The following CCDC80 variants were observed in gnomAD, a reference collection of about 807,000 sequenced individuals.
CCDC80 encodes coiled-coil domain-containing protein 80.
A neutral mutation model predicts 78.7 loss-of-function variants in CCDC80; 49 were observed. That is an observed-to-expected ratio of 0.62 (90% CI 0.50 to 0.79). The LOEUF (loss-of-function observed/expected upper bound fraction) is 0.79. CCDC80 is among the 30% of genes least tolerant of loss of function. CCDC80 has a pLI of 0.00. For missense variants in CCDC80, 1,205 were observed against 1,198.6 expected (o/e 1.01, Z -0.08); for synonymous variants, 488 against 447.0 (o/e 1.09, Z -1.16).
intron 3 of CCDC80, among the ~76,000 whole-genome samples, chr3:112,620,053 T>C (rs1030385917): frequency 1.3e-5 from 2 of 152,214 alleles, no homozygotes; most frequent in African/African-American, 4.8e-5. Context: ...AGCCTATCAC[T>C]TATTACCAAC....
intron 3 of CCDC80, among the ~76,000 whole-genome samples, chr3:112,622,201 A>G (rs1935881755): frequency 1.3e-5 from 2 of 152,248 alleles, no homozygotes; most frequent in Admixed American, 1.3e-4. Context: ...TTACTAGTAT[A>G]TGGCAAGAAA....
At chr3:112,608,824 A>G (rs1297009957) in intron 6 of CCDC80, among the ~76,000 whole-genome samples, 1 of 152,194 alleles carries the variant, frequency 6.6e-6, no homozygotes, top group Non-Finnish European at 1.5e-5. Flanking sequence ...TCTTACTATT[A>G]TGAGTTTGGT....
rs767753684 is a variant in CCDC80 at position 112,639,166 on chromosome 3, C to T, written c.740G>A (p.Arg247His). The change falls in exon 2 of 8, where the codon CGC (arginine) becomes CAC (histidine). Residue 247 changes from arginine (R) to histidine (H), a missense_variant. Transcript: ENST00000206423. ...LLKKTLQVEE[R>H]YPYPVRLEAM... is the part of the protein sequence containing the mutation. ...TTCCAGCCTAACGGGATATGGATAG[C>T]GCTCCTCCACCTGCAGCGTCTTCTT... 6.2e-7 allele frequency: 1 copy of T among 1,614,132 alleles called. No individual in the cohort carries two copies. The highest frequency in any genetic ancestry group is 1.3e-5 in the African/African-American group (1 of 75,020).
chr3:112,616,442 AAG>A lies in CCDC80; in HGVS notation c.2321+266_2321+267del, dbSNP rs1491015536. On this transcript the variant is annotated intron_variant, in intron 5 of 7. Coordinates refer to ENST00000206423, the MANE Select transcript of CCDC80 (RefSeq NM_199511.3). The stretch of plus-strand genomic sequence containing the variant: ...TCTGTACCAAAGAAAGAGAAAAAAA[AAG>A]AAAAGAAAAAAAAAAAAACAGAGAA... Among the ~76,000 whole-genome samples, 17 of 90,596 alleles carry A rather than the reference AAG, an allele frequency of 1.9e-4. No individual in the cohort carries two copies. The East Asian group carries it at 2.0e-3, about 11-fold the overall frequency. The allele number at this position is 90,596 out of a possible 152,430, so 59.4% of individuals were successfully genotyped here.
chr3:112,620,877 A>G (rs1362244254), intron 3 of CCDC80, among the ~76,000 whole-genome samples: 1 of 152,192 alleles, frequency 6.6e-6, no homozygotes, highest in Admixed American at 6.5e-5. Context: ...TGTTCATTCA[A>G]CGAAATATTT....
In CCDC80 at chr3:112,639,043, C is replaced by T; in HGVS notation, c.863G>A (p.Gly288Asp). 6.2e-7 allele frequency: 1 copy of T among 1,608,158 alleles called. No individual in the cohort carries two copies. The highest frequency in any genetic ancestry group is 8.5e-7 in the Non-Finnish European group (1 of 1,178,494). The change falls in exon 2 of 8, where the codon GGC (glycine) becomes GAC (aspartate). Residue 288 changes from glycine (G) to aspartate (D), a missense_variant. Coordinates refer to ENST00000206423, the MANE Select transcript of CCDC80 (RefSeq NM_199511.3). ...GTCATTCCCCTCCGCCACCACCTGG[C>T]CCTCTACACCAGAGGCCTTACATTT... is the stretch of plus-strand genomic sequence containing the variant. ...VQKCKASGVE[G>D]QVVAEGNDGG...
intron 5 of CCDC80, among the ~76,000 whole-genome samples, chr3:112,612,388 G>A (rs567772632): frequency 2.1e-4 from 32 of 152,254 alleles, no homozygotes; most frequent in African/African-American, 7.5e-4. Flanking sequence ...ATGCAGTCCT[G>A]ATTGGAGAGG....
At chr3:112,625,405 T>C (rs940632110) in intron 3 of CCDC80, among the ~76,000 whole-genome samples, 1 of 152,238 alleles carries the variant, frequency 6.6e-6, no homozygotes, top group African/African-American at 2.4e-5. Flanking sequence ...TCTTAGACTG[T>C]ATTGGAAAGA....
chr3:112,604,320 C>T lies in CCDC80; in HGVS notation c.*1097G>A, dbSNP rs1412510095. 2 of 152,168 alleles carry T rather than the reference C, an allele frequency of 1.3e-5. No individual in the cohort carries two copies. Among genetic ancestry groups the T allele is most frequent in the Non-Finnish European group, 2.9e-5 (2 of 68,034 alleles). 9.4% of individuals were successfully genotyped at this position (152,168 alleles called of 1,614,324 possible). A position where few individuals can be genotyped will look rare whatever the true frequency, so the allele number is the denominator to read the frequency against. On this transcript the variant is annotated 3_prime_UTR_variant, in exon 8 of 8. Coordinates refer to ENST00000206423, the MANE Select transcript of CCDC80 (RefSeq NM_199511.3). ...AGAAAAAGTCAATCGAAGTGGCAAA[C>T]TTCATTGCTGTCTTATTTTAAGAAA...
intron 5 of CCDC80, among the ~76,000 whole-genome samples, chr3:112,613,174 C>A (rs925198952): frequency 2.6e-5 from 4 of 152,144 alleles, no homozygotes; most frequent in African/African-American, 9.7e-5. Context: ...GGTCACACAG[C>A]TAGTAAATAG....
chr3:112,619,676 G>C (rs72942092), intron 3 of CCDC80, among the ~76,000 whole-genome samples: 3,608 of 152,278 alleles, frequency 0.024, 61 homozygotes, highest in South Asian at 0.055. Flanking sequence ...AATTTTGTAA[G>C]TGAACACAGT....
At position 112,604,285 on chromosome 3, in the gene CCDC80, T is replaced by A. The variant is rs1043208650; in HGVS notation, c.*1132A>T. 2 of 152,154 alleles carry A rather than the reference T, an allele frequency of 1.3e-5. No homozygotes were observed. The highest frequency in any genetic ancestry group is 2.4e-5 in the African/African-American group (1 of 41,444). The allele number at this position is 152,154 out of a possible 1,614,324, so 9.4% of individuals were successfully genotyped here. A position where few individuals can be genotyped will look rare whatever the true frequency, so the allele number is the denominator to read the frequency against. On this transcript the variant is annotated 3_prime_UTR_variant, in exon 8 of 8. Coordinates refer to ENST00000206423, the MANE Select transcript of CCDC80 (RefSeq NM_199511.3). Reference sequence around the variant, plus strand: ...TACAGCATCACATGCTGCAGAGAAATCTTTCATGAAGAAAAAGTCAATCGA... The same window carrying A: ...TACAGCATCACATGCTGCAGAGAAAACTTTCATGAAGAAAAAGTCAATCGA...
intron 6 of CCDC80, among the ~76,000 whole-genome samples, chr3:112,608,487 C>T (rs76567478): frequency 0.011 from 1,611 of 152,134 alleles, 29 homozygotes; most frequent in African/African-American, 0.037. Flanking sequence ...ATGACTTGTT[C>T]GCATTTTGGG....
intron 5 of CCDC80, chr3:112,610,386 G>A (rs1395318915): frequency 5.1e-6 from 2 of 393,374 alleles, no homozygotes; most frequent in Admixed American, 7.5e-5. Flanking sequence ...ATGCAATGAA[G>A]ACAGGCCAAA....
Position 112,597,574 on chromosome 3 carries a change from C to G in CCDC80, c.*7843G>C, listed in dbSNP as rs918185620. On this transcript the variant is annotated 3_prime_UTR_variant, in exon 8 of 8. Transcript: ENST00000206423. ...TTTAATGAATTAATACAAGTGTCAG[C>G]ATCTTTCATGGACATCCAGACAATT... 1 of 152,022 alleles carries G rather than the reference C, an allele frequency of 6.6e-6. No homozygotes were observed. Among genetic ancestry groups the G allele is most frequent in the African/African-American group, 2.4e-5 (1 of 41,378 alleles). The allele number at this position is 152,022 out of a possible 1,614,324, so 9.4% of individuals were successfully genotyped here.
chr3:112,623,842 A>G (rs959664422), intron 3 of CCDC80, among the ~76,000 whole-genome samples: 52 of 152,124 alleles, frequency 3.4e-4, no homozygotes, highest in Non-Finnish European at 8.8e-5. Context: ...ATTGTCTCTG[A>G]AACCTGTCTT....
chr3:112,624,532 A>T (rs1240628307), intron 3 of CCDC80, among the ~76,000 whole-genome samples: 2 of 152,120 alleles, frequency 1.3e-5, no homozygotes, highest in Non-Finnish European at 2.9e-5. Context: ...TTTGCAATTG[A>T]TCTGCTTACT....
chr3:112,622,487 G>C (rs1935885629), intron 3 of CCDC80, among the ~76,000 whole-genome samples: 1 of 152,120 alleles, frequency 6.6e-6, no homozygotes, highest in African/African-American at 2.4e-5. Flanking sequence ...GGTCTTTCTT[G>C]AGCTCTGCAT....
intron 2 of CCDC80, among the ~76,000 whole-genome samples, chr3:112,632,184 C>T (rs551760955): frequency 3.3e-5 from 5 of 151,948 alleles, no homozygotes; most frequent in East Asian, 1.9e-4. Flanking sequence ...TTGATGGGAG[C>T]GCAGATACCA....
Sources: allele counts gnomAD v4.1 joint callset (sites outside exome capture counted in the v4.1 genomes callset), GRCh38; gene constraint gnomAD v4.1.1; transcripts MANE v1.5; gene names NCBI Gene and HGNC (gene_info 2026-07-23, HGNC 2026-07-21).